The following DPY19L4 variants were observed in gnomAD, a reference collection of about 807,000 sequenced individuals.
The protein encoded by DPY19L4 is dpy-19 like 4, also known as probable C-mannosyltransferase DPY19L4.
A neutral mutation model predicts 102.8 loss-of-function variants in DPY19L4; 97 were observed. The ratio of observed to expected loss-of-function variants is 0.94; its 90% CI spans 0.80 to 1.12. DPY19L4 has a LOEUF of 1.12. Among genes scored for constraint, DPY19L4 ranks in the 50% most tolerant of loss-of-function variants. The probability of loss-of-function intolerance (pLI) is 0.00; values close to 1 mark genes in which losing one functional copy is unlikely to be tolerated. For missense variants in DPY19L4, 815 were observed against 850.4 expected, an observed-to-expected ratio of 0.96 and a Z score of 0.52; for synonymous variants, 252 against 283.1, an observed-to-expected ratio of 0.89 and a Z score of 1.10.
chr8:94,722,715 C>CT (rs890280586), intron 1 of DPY19L4, among the ~76,000 whole-genome samples: 1 of 152,066 alleles, frequency 6.6e-6, no homozygotes, highest in Non-Finnish European at 1.5e-5. Flanking sequence ...TCACTCTATA[C>CT]TTTTTTTCCC....
intron 7 of DPY19L4, among the ~76,000 whole-genome samples, chr8:94,760,888 G>A (rs1812367506): frequency 6.6e-6 from 1 of 152,142 alleles, no homozygotes; most frequent in African/African-American, 2.4e-5. Context: ...TTTCGGCAAG[G>A]GCAAGGACAT....
At chr8:94,789,628 T>C in intron 18 of DPY19L4, 118 bp from the exon 19 acceptor site, 2 of 911,984 alleles carry the variant, frequency 2.2e-6, no homozygotes, top group Non-Finnish European at 3.2e-6. Context: ...AGATGTTTTA[T>C]AGACAATGTT....
At chr8:94,726,471 A>G in intron 2 of DPY19L4, 30 bp downstream of exon 2, 6 of 1,538,160 alleles carry the variant, frequency 3.9e-6, no homozygotes, top group Non-Finnish European at 5.3e-6. Flanking sequence ...AATTTGTGCT[A>G]CTACAAAAAT....
chr8:94,755,754 G>T (rs984832986), intron 6 of DPY19L4, among the ~76,000 whole-genome samples: 1 of 152,104 alleles, frequency 6.6e-6, no homozygotes, highest in African/African-American at 2.4e-5. Context: ...GTGTGGTGAC[G>T]CGCGCCTGTA....
chr8:94,773,295 G>A (rs752498706), intron 13 of DPY19L4, among the ~76,000 whole-genome samples: 1 of 151,694 alleles, frequency 6.6e-6, no homozygotes, highest in Non-Finnish European at 1.5e-5. Context: ...TCATATAGGA[G>A]CATCTTATCT....
At chr8:94,777,541 CT>C (rs1158421316) in intron 13 of DPY19L4, 124 bp from the exon 14 acceptor site, 12 of 1,232,938 alleles carry the variant, frequency 9.7e-6, no homozygotes, top group Admixed American at 4.9e-5. Context: ...AGAGTCTAAG[CT>C]TTTTCACTGT....
chr8:94,734,521 C>T lies in DPY19L4; in HGVS notation c.128-109C>T, dbSNP rs148634248. ...CTGATGCTTTTCTCACAATTAGACT[C>T]GAGTTGTGGGTTTTGGGGACAAAGA... On this transcript the variant is annotated intron_variant, in intron 2 of 18. Transcript: ENST00000414645. 28 of 1,111,336 alleles carry T rather than the reference C, an allele frequency of 2.5e-5. 1 individual carries two copies. In the East Asian group the frequency reaches 7.1e-4, roughly 28 times the overall value. 68.8% of individuals were successfully genotyped at this position (1,111,336 alleles called of 1,614,324 possible). A position where few individuals can be genotyped will look rare whatever the true frequency, so the allele number is the denominator to read the frequency against.
At chr8:94,733,119 T>G (rs1474448303) in intron 2 of DPY19L4, among the ~76,000 whole-genome samples, 28 of 41,968 alleles carry the variant, frequency 6.7e-4, no homozygotes, top group Middle Eastern at 0.013. Context: ...CATCTTAACC[T>G]TTTTTTTTTT....
intron 6 of DPY19L4, among the ~76,000 whole-genome samples, chr8:94,741,790 T>G (rs972567941): frequency 6.6e-6 from 1 of 152,220 alleles, no homozygotes; most frequent in African/African-American, 2.4e-5. Flanking sequence ...AAAGCTTTCT[T>G]GTTTTCTGGC....
At chr8:94,741,246 T>C (rs938539964) in intron 6 of DPY19L4, among the ~76,000 whole-genome samples, 2 of 152,240 alleles carry the variant, frequency 1.3e-5, no homozygotes, top group Admixed American at 1.3e-4. Context: ...TGAATAGTTA[T>C]GTTTTTCTCT....
At chr8:94,755,742 G>C (rs780926679) in intron 6 of DPY19L4, among the ~76,000 whole-genome samples, 1 of 152,088 alleles carries the variant, frequency 6.6e-6, no homozygotes, top group East Asian at 1.9e-4. Flanking sequence ...AAAATTAGCC[G>C]GGTGTGGTGA....
chr8:94,727,314 A>G (rs1429639428), intron 2 of DPY19L4, among the ~76,000 whole-genome samples: 1 of 152,112 alleles, frequency 6.6e-6, no homozygotes, highest in Non-Finnish European at 1.5e-5. Context: ...GCTCACTGCA[A>G]CCTCCACCTT....
At chr8:94,768,369 A>G (rs1442956428) in intron 11 of DPY19L4, 26 bp from the exon 12 acceptor site, 7 of 1,560,518 alleles carry the variant, frequency 4.5e-6, no homozygotes, top group Non-Finnish European at 6.1e-6. Flanking sequence ...CTATGAATTT[A>G]ATATCATACT....
chr8:94,745,909 C>A (rs1181219949), intron 6 of DPY19L4, among the ~76,000 whole-genome samples: 1 of 152,056 alleles, frequency 6.6e-6, no homozygotes, highest in Non-Finnish European at 1.5e-5. Flanking sequence ...CATGAGCCAC[C>A]ACACCCACCT....
At chr8:94,730,163 G>T (rs1166829863) in intron 2 of DPY19L4, among the ~76,000 whole-genome samples, 1 of 151,002 alleles carries the variant, frequency 6.6e-6, no homozygotes. Flanking sequence ...ACTTAACTGT[G>T]TTCTATATTC....
At chr8:94,766,441 G>A (rs897161560) in intron 10 of DPY19L4, among the ~76,000 whole-genome samples, 171 bp from the exon 11 acceptor site, 2 of 152,180 alleles carry the variant, frequency 1.3e-5, no homozygotes, top group Non-Finnish European at 2.9e-5. Context: ...ATAAGGTCAT[G>A]GGATTGATTT....
chr8:94,784,253 C>T (rs1813559426), intron 17 of DPY19L4, among the ~76,000 whole-genome samples: 1 of 151,722 alleles, frequency 6.6e-6, no homozygotes, highest in Non-Finnish European at 1.5e-5. Context: ...TTAATTCACC[C>T]AGGCTGGAGT....
chr8:94,752,494 G>T (rs867080585), intron 6 of DPY19L4, among the ~76,000 whole-genome samples: 77 of 148,916 alleles, frequency 5.2e-4, no homozygotes, highest in African/African-American at 1.7e-3. Flanking sequence ...GCTGAGGCAG[G>T]AGAATGGTGT....
chr8:94,731,599 G>C (rs547251632), intron 2 of DPY19L4, among the ~76,000 whole-genome samples: 13 of 151,884 alleles, frequency 8.6e-5, no homozygotes, highest in Non-Finnish European at 1.8e-4. Flanking sequence ...ATTTTTAGTA[G>C]AGATGGGGTT....
Sources: allele counts gnomAD v4.1 joint callset (sites outside exome capture counted in the v4.1 genomes callset), GRCh38; gene constraint gnomAD v4.1.1; transcripts MANE v1.5; gene names NCBI Gene and HGNC (gene_info 2026-07-23, HGNC 2026-07-21).